Variants in UBAP2L observed in about 807,000 individuals in gnomAD.
UBAP2L encodes ubiquitin-associated protein 2-like.
UBAP2L carries 12 observed loss-of-function variants against 130.6 expected under a neutral mutation model. That is an observed-to-expected ratio of 0.09 (90% confidence interval 0.06 to 0.15). UBAP2L has a LOEUF of 0.15. Ranked by LOEUF, UBAP2L falls within the 10% of genes least tolerant of loss-of-function variation. The pLI is 1.00. For synonymous variants in UBAP2L, 503 were observed against 524.7 expected, an observed-to-expected ratio of 0.96 and a Z score of 0.57; for missense variants, 965 against 1,332.5, an observed-to-expected ratio of 0.72 and a Z score of 4.29.
intron 2 of UBAP2L, among the ~76,000 whole-genome samples, chr1:154,226,623 A>G (rs1327963092): frequency 6.6e-6 from 1 of 152,230 alleles, no homozygotes; most frequent in Non-Finnish European, 1.5e-5. Flanking sequence ...AGCTCTAGGA[A>G]TAAGAGGATG....
At chr1:154,263,392 G>C in intron 24 of UBAP2L, 2 of 1,306,252 alleles carry the variant, frequency 1.5e-6, no homozygotes, top group Non-Finnish European at 9.7e-7. Flanking sequence ...CAGCACCTTC[G>C]AAGCATCAAT....
chr1:154,222,894 T>A (rs189267280), intron 1 of UBAP2L, among the ~76,000 whole-genome samples: 5 of 152,344 alleles, frequency 3.3e-5, no homozygotes, highest in African/African-American at 1.2e-4. Flanking sequence ...ACTCCTGTGT[T>A]GAAACCTCTG....
chr1:154,266,477 CCTGT>C lies in UBAP2L; in HGVS notation c.2903-19_2903-16del, dbSNP rs1451848056. On this transcript the variant is annotated intron_variant, in intron 24 of 26. Coordinates refer to ENST00000428931, the MANE Select transcript of UBAP2L (RefSeq NM_014847.4). ...CCAGGTAGCTAGCTGAGCTAATCCT[CCTGT>C]CTGTTTCCTCCTCCCCCAGGTGTTT... 1 of 1,613,250 alleles carries C rather than the reference CCTGT, an allele frequency of 6.2e-7. No individual in the cohort carries two copies. The highest frequency in any genetic ancestry group is 8.5e-7 in the Non-Finnish European group (1 of 1,179,300).
chr1:154,259,772 G>T (rs528501901), intron 21 of UBAP2L, 176 bp from the exon 22 acceptor site: 8 of 778,292 alleles, frequency 1.0e-5, no homozygotes, highest in East Asian at 4.9e-5. Flanking sequence ...GGCCAGGCAG[G>T]GGGGACAGTG....
chr1:154,260,908 C>T lies in UBAP2L; in HGVS notation c.2595C>T (p.Phe865=), dbSNP rs745360139. Residue 865 remains phenylalanine (F), a synonymous_variant, in exon 23 of 27, where the codon TTC becomes TTT. Transcript: ENST00000428931. ...CTGTCACAGGTGACCTCACAAAGTT[C>T]GGCCGTGGGGATGCCTCCTCCCCAG... The part of the protein sequence containing the change: ...SNPYSGDLTK[F]GRGDASSPAP... The T allele has an allele frequency of 9.3e-6, 15 of 1,614,060 alleles. No individual in the cohort carries two copies. Among genetic ancestry groups the T allele is most frequent in the African/African-American group, 5.3e-5 (4 of 74,928 alleles).
chr1:154,233,376 G>A (rs1670512282), intron 4 of UBAP2L, among the ~76,000 whole-genome samples: 1 of 151,448 alleles, frequency 6.6e-6, no homozygotes, highest in African/African-American at 2.4e-5. Flanking sequence ...CTAGAGTGCA[G>A]TGGTGTGGTG....
At chr1:154,250,396 AAAC>A (rs1281830650) in intron 12 of UBAP2L, among the ~76,000 whole-genome samples, 2 of 152,000 alleles carry the variant, frequency 1.3e-5, no homozygotes, top group Non-Finnish European at 2.9e-5. Context: ...ATGTTGAAGG[AAAC>A]AACGTTATGC....
At chr1:154,221,845 G>T (rs760059817) in intron 1 of UBAP2L, among the ~76,000 whole-genome samples, 4 of 152,202 alleles carry the variant, frequency 2.6e-5, no homozygotes, top group African/African-American at 4.8e-5. Flanking sequence ...GCTGGACATG[G>T]AGGCCCCCAT....
intron 22 of UBAP2L, among the ~76,000 whole-genome samples, 189 bp downstream of exon 22, chr1:154,260,218 G>A (rs1681073757): frequency 6.6e-6 from 1 of 152,114 alleles, no homozygotes; most frequent in South Asian, 2.1e-4. Context: ...ATTTCTAGAT[G>A]ATATCTTAGC....
chr1:154,245,066 G>A (rs1467970631), intron 10 of UBAP2L, among the ~76,000 whole-genome samples: 2 of 152,142 alleles, frequency 1.3e-5, no homozygotes, highest in Non-Finnish European at 2.9e-5. Flanking sequence ...CGAGTAGCTG[G>A]TATAGTAGGC....
At chr1:154,252,889 G>A (rs1678262254) in intron 14 of UBAP2L, among the ~76,000 whole-genome samples, 1 of 152,054 alleles carries the variant, frequency 6.6e-6, no homozygotes, top group Admixed American at 6.6e-5. Context: ...AGGGAGCCTA[G>A]AATTCAGAAT....
intron 25 of UBAP2L, among the ~76,000 whole-genome samples, chr1:154,268,007 A>G (rs1683857838): frequency 6.8e-6 from 1 of 147,558 alleles, no homozygotes. Context: ...CTCCTGCCTC[A>G]GCCTCCCAAG....
At chr1:154,236,879 G>A (rs1671861222) in intron 7 of UBAP2L, 145 bp from the exon 8 acceptor site, 1 of 697,724 alleles carries the variant, frequency 1.4e-6, no homozygotes, top group Non-Finnish European at 2.4e-6. Context: ...TGATAAGTGA[G>A]AAAAAGTAGA....
chr1:154,262,974 C>T (rs1237029881), intron 24 of UBAP2L: 3 of 858,040 alleles, frequency 3.5e-6, no homozygotes, highest in Non-Finnish European at 1.7e-6. Context: ...TTCTAGAAAT[C>T]CCACCTTCTT....
At chr1:154,247,183 T>C (rs79684631) in intron 11 of UBAP2L, among the ~76,000 whole-genome samples, 2,912 of 152,332 alleles carry the variant, frequency 0.019, 91 homozygotes, top group African/African-American at 0.068. Context: ...ATTTTATTTT[T>C]CCAGTTAGAG....
At chr1:154,251,457 T>G (rs903268640) in intron 13 of UBAP2L, 24 bp from the exon 14 acceptor site, 1 of 1,608,784 alleles carries the variant, frequency 6.2e-7, no homozygotes, top group Admixed American at 1.7e-5. Flanking sequence ...AGCCATTACT[T>G]TCTCTTCTCC....
chr1:154,251,476 T>G lies in UBAP2L; in HGVS notation c.1492-5T>G, dbSNP rs373700934. 6 of 1,613,242 alleles carry G rather than the reference T, an allele frequency of 3.7e-6. No homozygotes were observed. Among genetic ancestry groups the G allele is most frequent in the Admixed American group, 1.7e-5 (1 of 59,768 alleles). On this transcript the variant is annotated splice_polypyrimidine_tract_variant and splice_region_variant and intron_variant, in intron 13 of 26. Transcript: ENST00000428931. Reference sequence around the variant, plus strand: ...ATTACTTTCTCTTCTCCTTCAACTTTATAGATTCCTGCTCTGGCTGTGGAG... The same window carrying G: ...ATTACTTTCTCTTCTCCTTCAACTTGATAGATTCCTGCTCTGGCTGTGGAG...
At chr1:154,267,661 A>G (rs1683686609) in intron 25 of UBAP2L, among the ~76,000 whole-genome samples, 1 of 150,550 alleles carries the variant, frequency 6.6e-6, no homozygotes, top group Non-Finnish European at 1.5e-5. Context: ...TGTATTTTGT[A>G]TTTTTGTTTT....
At chr1:154,227,037 G>A (rs1417735236) in intron 2 of UBAP2L, among the ~76,000 whole-genome samples, 2 of 152,192 alleles carry the variant, frequency 1.3e-5, no homozygotes, top group African/African-American at 2.4e-5. Context: ...TGGCCAGGCT[G>A]GTCTCAAACT....
Sources: gnomAD v4.1 joint callset for allele counts (sites outside exome capture counted in the v4.1 genomes callset) on GRCh38, gnomAD v4.1.1 for gene constraint, MANE v1.5 for transcripts, NCBI Gene and HGNC (gene_info 2026-07-23, HGNC 2026-07-21) for gene names.